LRBA: variants seen among roughly 807,000 people sequenced by gnomAD.
The protein encoded by LRBA is LPS responsive beige-like anchor protein, also known as lipopolysaccharide-responsive and beige-like anchor protein.
In LRBA, 176 loss-of-function variants were observed where a neutral mutation model predicts 330.0. The observed-to-expected ratio is 0.53, with a 90% CI of 0.47 to 0.60. The LOEUF (loss-of-function observed/expected upper bound fraction) is 0.60, where lower values mean the gene tolerates loss of function less well. LRBA is among the 20% of genes least tolerant of loss of function. The pLI is 0.00. For synonymous variants in LRBA, 1,230 were observed against 1,193.0 expected (o/e 1.03, Z -0.64); for missense variants, 3,259 against 3,444.8 (o/e 0.95, Z 1.35).
chr4:150,508,243 G>GGC (rs1761383042), intron 40 of LRBA, among the ~76,000 whole-genome samples: 1 of 38,846 alleles, frequency 2.6e-5, no homozygotes, highest in South Asian at 4.8e-4. Context: ...AAAAAAAAGG[G>GGC]GGGGGGGGGG....
chr4:150,320,984 C>A (rs985856879), intron 50 of LRBA, among the ~76,000 whole-genome samples: 5 of 151,942 alleles, frequency 3.3e-5, no homozygotes, highest in African/African-American at 1.2e-4. Context: ...AGATAAACCA[C>A]CAGAAGCTAA....
intron 47 of LRBA, among the ~76,000 whole-genome samples, chr4:150,402,274 A>AAAAAAAG (rs1355884917): frequency 1.3e-5 from 2 of 152,096 alleles, no homozygotes; most frequent in East Asian, 3.8e-4. Context: ...AGACCAAAAA[A>AAAAAAAG]AAAAAAGAAC....
intron 36 of LRBA, among the ~76,000 whole-genome samples, chr4:150,709,635 T>C (rs545997608): frequency 2.0e-5 from 3 of 152,006 alleles, no homozygotes; most frequent in Non-Finnish European, 2.9e-5. Context: ...CTACTATGTA[T>C]AGGCAATGTA....
At chr4:150,513,533 C>T (rs951927656) in intron 40 of LRBA, among the ~76,000 whole-genome samples, 3 of 152,052 alleles carry the variant, frequency 2.0e-5, no homozygotes, top group African/African-American at 4.8e-5. Context: ...TTCATGATGC[C>T]CTAATAAAAT....
chr4:150,365,128 G>A (rs1490580266), intron 47 of LRBA, among the ~76,000 whole-genome samples: 1 of 151,988 alleles, frequency 6.6e-6, no homozygotes, highest in Non-Finnish European at 1.5e-5. Context: ...TCTGGCTTCA[G>A]CCTCCCAAGT....
intron 5 of LRBA, 86 bp downstream of exon 5, chr4:150,921,112 C>T (rs2149495160): frequency 1.3e-6 from 1 of 797,140 alleles, no homozygotes. Flanking sequence ...TAGCACAGAA[C>T]CTGTCAGGGG....
chr4:150,618,085 G>A (rs1775946326), intron 37 of LRBA, among the ~76,000 whole-genome samples: 1 of 152,018 alleles, frequency 6.6e-6, no homozygotes, highest in African/African-American at 2.4e-5. Context: ...CAGCCTGGGT[G>A]ACAGAGCAGA....
chr4:150,597,581 G>A (rs555128434), intron 38 of LRBA, among the ~76,000 whole-genome samples: 2 of 151,826 alleles, frequency 1.3e-5, no homozygotes, highest in East Asian at 3.9e-4. Flanking sequence ...TGTAAATGAT[G>A]GTTTAGAAGA....
chr4:150,516,901 T>C (rs535010897), intron 40 of LRBA, among the ~76,000 whole-genome samples: 8 of 152,168 alleles, frequency 5.3e-5, no homozygotes, highest in Non-Finnish European at 8.8e-5. Flanking sequence ...TACATCAACA[T>C]GTAGGGATGG....
chr4:150,777,144 A>T (rs1737492349), intron 34 of LRBA, among the ~76,000 whole-genome samples: 2 of 151,808 alleles, frequency 1.3e-5, no homozygotes, highest in African/African-American at 4.8e-5. Context: ...GCCCAGGCAA[A>T]GTGCAGGGGC....
At chr4:150,903,936 C>A (rs1201324460) in intron 13 of LRBA, among the ~76,000 whole-genome samples, 1 of 152,138 alleles carries the variant, frequency 6.6e-6, no homozygotes, top group East Asian at 1.9e-4. Context: ...ATCACCATAT[C>A]CACAGTGCCC....
intron 52 of LRBA, among the ~76,000 whole-genome samples, chr4:150,303,712 A>C (rs937761396): frequency 1.3e-5 from 2 of 152,050 alleles, no homozygotes; most frequent in African/African-American, 4.8e-5. Flanking sequence ...CTGGGACTAC[A>C]GGCACCCACC....
chr4:150,693,328 C>T (rs1196690084), intron 36 of LRBA, among the ~76,000 whole-genome samples: 1 of 151,848 alleles, frequency 6.6e-6, no homozygotes, highest in African/African-American at 2.4e-5. Context: ...CTTTGGGAGG[C>T]CGAGGTGGGC....
At chr4:150,692,976 G>C (rs1183725974) in intron 36 of LRBA, among the ~76,000 whole-genome samples, 1 of 152,112 alleles carries the variant, frequency 6.6e-6, no homozygotes, top group Non-Finnish European at 1.5e-5. Flanking sequence ...AATATTCAAA[G>C]TGCATTATTC....
chr4:150,949,153 G>A (rs1736547987), intron 2 of LRBA, among the ~76,000 whole-genome samples: 1 of 151,930 alleles, frequency 6.6e-6, no homozygotes, highest in African/African-American at 2.4e-5. Context: ...AATATTTACA[G>A]TAGTTTTGTT....
At chr4:151,000,480 A>G (rs562359075) in intron 2 of LRBA, among the ~76,000 whole-genome samples, 2 of 152,346 alleles carry the variant, frequency 1.3e-5, no homozygotes, top group East Asian at 3.9e-4. Flanking sequence ...TGTCCCGAAC[A>G]TTATTAAGTA....
intron 34 of LRBA, among the ~76,000 whole-genome samples, chr4:150,789,029 A>G (rs1739511229): frequency 2.0e-5 from 3 of 152,194 alleles, no homozygotes; most frequent in Non-Finnish European, 4.4e-5. Context: ...AGCCGAGATC[A>G]TGCCACTGCA....
intron 40 of LRBA, among the ~76,000 whole-genome samples, chr4:150,559,649 A>AT (rs1561350716): frequency 4.8e-4 from 23 of 48,152 alleles, no homozygotes; most frequent in East Asian, 2.1e-3. Context: ...TATATAATAT[A>AT]ATATATAATT....
intron 44 of LRBA, among the ~76,000 whole-genome samples, chr4:150,437,133 C>T (rs1751220311): frequency 6.6e-6 from 1 of 152,178 alleles, no homozygotes; most frequent in African/African-American, 2.4e-5. Context: ...CATCCCATAA[C>T]AAGCATCAGA....
Sources: gnomAD v4.1 joint callset for allele counts (sites outside exome capture counted in the v4.1 genomes callset) on GRCh38, gnomAD v4.1.1 for gene constraint, MANE v1.5 for transcripts, NCBI Gene and HGNC (gene_info 2026-07-23, HGNC 2026-07-21) for gene names.